The following FHIP1A variants were observed in gnomAD, a reference collection of about 807,000 sequenced individuals.
FHIP1A encodes FHF complex subunit HOOK interacting protein 1A, also known as FHF complex subunit HOOK-interacting protein 1A.
Under a neutral mutation model 88.6 loss-of-function variants are expected in FHIP1A, and 61 were observed. That is an observed-to-expected ratio of 0.69 (90% CI 0.56 to 0.85). The LOEUF is 0.85. Among genes scored for constraint, FHIP1A ranks in the 40% least tolerant of loss-of-function variants. The pLI, the probability that FHIP1A is intolerant of heterozygous loss-of-function variation, is 0.00. For missense variants in FHIP1A, 1,154 were observed against 1,273.5 expected, an observed-to-expected ratio of 0.91 and a Z score of 1.43; for synonymous variants, 478 against 496.0, an observed-to-expected ratio of 0.96 and a Z score of 0.48.
chr4:151,415,277 C>A (rs1420674737), intron 1 of FHIP1A, among the ~76,000 whole-genome samples: 1 of 151,768 alleles, frequency 6.6e-6, no homozygotes, highest in Non-Finnish European at 1.5e-5. Context: ...ACCTCTCCCT[C>A]CCAGGTTCGA....
chr4:151,432,178 T>A (rs144496734), intron 1 of FHIP1A, among the ~76,000 whole-genome samples: 1,578 of 152,346 alleles, frequency 0.01, 10 homozygotes, highest in Middle Eastern at 0.02. Flanking sequence ...GCCTAGTATG[T>A]GTAAAGCATT....
chr4:151,568,397 A>T (rs1410039133), intron 4 of FHIP1A, among the ~76,000 whole-genome samples: 2 of 152,170 alleles, frequency 1.3e-5, no homozygotes, highest in Non-Finnish European at 2.9e-5. Context: ...AGGTGTTTTT[A>T]ACCTTTTTTT....
chr4:151,555,593 A>T (rs1461855816), intron 3 of FHIP1A, among the ~76,000 whole-genome samples: 2 of 152,142 alleles, frequency 1.3e-5, no homozygotes, highest in Non-Finnish European at 2.9e-5. Context: ...AGGGGAGGAA[A>T]AACTCTCAAC....
rs915855942 is a variant in FHIP1A, at chr4:151,649,643, G to A, written c.1602G>A (p.Met534Ile). 18 of 1,551,600 alleles carry A rather than the reference G, an allele frequency of 1.2e-5. No individual in the cohort carries two copies. The highest frequency in any genetic ancestry group is 1.4e-5 in the Non-Finnish European group (16 of 1,147,002). ...ATGGCGACTCCCCCGACCCTGAGAT[G>A]TTTCTCCAGAGTCTGACGGAGGAGG... ...LYDGDSPDPE[M>I]FLQSLTEEGS... Residue 534 changes from methionine (M) to isoleucine (I), a missense_variant, in exon 11 of 14, where the codon ATG becomes ATA. By Grantham distance (10) the Met-to-Ile change is conservative. Transcript: ENST00000435205.
chr4:151,554,540 T>G (rs749184439), intron 3 of FHIP1A, among the ~76,000 whole-genome samples: 1 of 152,166 alleles, frequency 6.6e-6, no homozygotes, highest in Non-Finnish European at 1.5e-5. Context: ...AATAGGCAGG[T>G]TTAAGGCAGG....
At chr4:151,618,907 A>G (rs534843445) in intron 7 of FHIP1A, among the ~76,000 whole-genome samples, 23 of 152,370 alleles carry the variant, frequency 1.5e-4, no homozygotes, top group Admixed American at 7.2e-4. Context: ...TGGCTGAGAA[A>G]GGGAGCACAT....
At chr4:151,530,847 C>A (rs150231262) in intron 3 of FHIP1A, among the ~76,000 whole-genome samples, 83 of 152,296 alleles carry the variant, frequency 5.4e-4, no homozygotes, top group African/African-American at 1.9e-3. Flanking sequence ...GGTACAAAAA[C>A]ACTTAGCATA....
chr4:151,605,401 C>T (rs1445603279), intron 7 of FHIP1A, among the ~76,000 whole-genome samples: 1 of 152,188 alleles, frequency 6.6e-6, no homozygotes, highest in Non-Finnish European at 1.5e-5. Flanking sequence ...ACCATCCCTT[C>T]TGCAGGCAGC....
At chr4:151,505,571 G>A (rs976000047) in intron 3 of FHIP1A, among the ~76,000 whole-genome samples, 3 of 152,212 alleles carry the variant, frequency 2.0e-5, no homozygotes, top group African/African-American at 7.2e-5. Flanking sequence ...CCACTGTGAA[G>A]CATATGAATA....
chr4:151,632,855 A>G (rs1038904617), intron 8 of FHIP1A, among the ~76,000 whole-genome samples: 2 of 152,054 alleles, frequency 1.3e-5, no homozygotes, highest in African/African-American at 2.4e-5. Flanking sequence ...TTATAGCTGT[A>G]AACACTTAGG....
chr4:151,432,487 A>G (rs1733630145), intron 1 of FHIP1A, among the ~76,000 whole-genome samples: 1 of 152,240 alleles, frequency 6.6e-6, no homozygotes. Flanking sequence ...GAAGAGACAG[A>G]CAATAAATAT....
At chr4:151,647,779 C>T (rs895316132) in intron 10 of FHIP1A, among the ~76,000 whole-genome samples, 1 of 152,074 alleles carries the variant, frequency 6.6e-6, no homozygotes. Context: ...TCTAAATTTA[C>T]TATGAAAGTT....
At chr4:151,627,287 A>G (rs996580719) in intron 7 of FHIP1A, among the ~76,000 whole-genome samples, 9 of 152,238 alleles carry the variant, frequency 5.9e-5, no homozygotes, top group African/African-American at 2.2e-4. Context: ...ATTTTCATTT[A>G]TCCAGCCTAA....
chr4:151,633,639 G>GAT (rs1299657185), intron 8 of FHIP1A, among the ~76,000 whole-genome samples: 1 of 151,834 alleles, frequency 6.6e-6, no homozygotes, highest in Non-Finnish European at 1.5e-5. Context: ...AGAATGCAAT[G>GAT]ATACTTCACC....
chr4:151,593,049 G>T (rs1269509554), intron 7 of FHIP1A, among the ~76,000 whole-genome samples: 1 of 152,100 alleles, frequency 6.6e-6, no homozygotes, highest in East Asian at 1.9e-4. Flanking sequence ...TTTTAGTTAG[G>T]TTTGTCGAAG....
At chr4:151,479,795 C>T (rs1479821421) in intron 2 of FHIP1A, among the ~76,000 whole-genome samples, 1 of 152,078 alleles carries the variant, frequency 6.6e-6, no homozygotes, top group Non-Finnish European at 1.5e-5. Context: ...TGTGTACTCC[C>T]TGCCTATTAG....
intron 3 of FHIP1A, among the ~76,000 whole-genome samples, chr4:151,561,673 T>C (rs1733178657): frequency 6.6e-6 from 1 of 152,190 alleles, no homozygotes; most frequent in East Asian, 1.9e-4. Flanking sequence ...TTTTTATGTA[T>C]TTAGTAGCAG....
At chr4:151,440,450 C>G (rs1160761327) in intron 1 of FHIP1A, among the ~76,000 whole-genome samples, 2 of 152,138 alleles carry the variant, frequency 1.3e-5, no homozygotes, top group East Asian at 3.9e-4. Flanking sequence ...TGGACAATTT[C>G]TAGTAGCTAG....
chr4:151,637,564 A>G (rs1454741877), intron 8 of FHIP1A, among the ~76,000 whole-genome samples: 4 of 152,152 alleles, frequency 2.6e-5, no homozygotes, highest in Admixed American at 6.6e-5. Context: ...TACTGTGGCA[A>G]TGGATAAGAA....
Sources: allele counts gnomAD v4.1 joint callset (sites outside exome capture counted in the v4.1 genomes callset), GRCh38; gene constraint gnomAD v4.1.1; transcripts MANE v1.5; gene names NCBI Gene and HGNC (gene_info 2026-07-23, HGNC 2026-07-21).